The following SC5D variants were observed in gnomAD, a reference collection of about 807,000 sequenced individuals.
SC5D encodes the protein sterol-C5-desaturase, also known as lathosterol oxidase.
SC5D carries 21 observed loss-of-function variants against 23.9 expected under a neutral mutation model. The observed-to-expected ratio is 0.88, with a 90% CI of 0.62 to 1.26. The LOEUF (loss-of-function observed/expected upper bound fraction) is 1.26. SC5D is among the 50% of genes most tolerant of loss of function. SC5D has a pLI of 0.00. For missense variants in SC5D, 309 were observed against 364.8 expected, an observed-to-expected ratio of 0.85 and a Z score of 1.25; for synonymous variants, 113 against 125.9, an observed-to-expected ratio of 0.90 and a Z score of 0.68.
At chr11:121,304,897 C>G (rs1477078111) in intron 3 of SC5D, 2 of 229,406 alleles carry the variant, frequency 8.7e-6, no homozygotes, top group Non-Finnish European at 1.7e-5. Flanking sequence ...ACCCACTTTT[C>G]TGTGCCTGTA....
In SC5D at chr11:121,309,232, C is replaced by T. The variant is rs1207486166; in HGVS notation, c.*1720C>T. On this transcript the variant is annotated 3_prime_UTR_variant, in exon 5 of 5. Transcript: ENST00000264027. ...TCCTTCCTCTTGGGGCTCTGCCTTT[C>T]TCTCAGTCCATAGAGCCCTCTTTGT... 3.3e-5 allele frequency among the ~76,000 whole-genome samples: 5 copies of T among 152,172 alleles called. No individual in the cohort carries two copies. In the East Asian group the frequency reaches 9.6e-4, roughly 29 times the overall value.
Position 121,306,405 on chromosome 11 carries a change from T to C in SC5D, c.363T>C (p.Val121=). ...EFPYGLFELV[V]SIISFLFFTD... is the part of the protein sequence containing the mutation. ...TTCTAGGATTGTTTGAACTTGTCGT[T>C]AGTATAATATCTTTCCTCTTTTTCA... Residue 121 remains valine (V), a synonymous_variant, in exon 4 of 5, where the codon GTT becomes GTC. Transcript: ENST00000264027. 6.4e-7 allele frequency: 1 copy of C among 1,566,034 alleles called. No homozygotes were observed. Among genetic ancestry groups the C allele is most frequent in the Non-Finnish European group, 8.8e-7 (1 of 1,136,388 alleles).
intron 1 of SC5D, among the ~76,000 whole-genome samples, chr11:121,299,544 T>G (rs1947912190): frequency 6.6e-6 from 1 of 152,242 alleles, no homozygotes; most frequent in Admixed American, 6.5e-5. Context: ...ATAATACCAT[T>G]TACAGTATGT....
intron 1 of SC5D, among the ~76,000 whole-genome samples, chr11:121,293,613 C>A (rs912811160): frequency 6.6e-6 from 1 of 152,216 alleles, no homozygotes; most frequent in African/African-American, 2.4e-5. Flanking sequence ...GACCTCAGTA[C>A]ATAGAGTTTC....
At chr11:121,300,875 T>G (rs2134265540) in intron 1 of SC5D, among the ~76,000 whole-genome samples, 2 of 152,290 alleles carry the variant, frequency 1.3e-5, no homozygotes, top group South Asian at 4.2e-4. Context: ...TCAAAGCACT[T>G]AAGAAAATCA....
chr11:121,306,930 T>C, intron 4 of SC5D, 127 bp from the exon 5 acceptor site: 2 of 826,662 alleles, frequency 2.4e-6, no homozygotes, highest in Admixed American at 3.5e-5. Flanking sequence ...GGACATTTTA[T>C]AGAATAAATA....
intron 2 of SC5D, 136 bp downstream of exon 2, chr11:121,303,721 A>G (rs1947942470): frequency 3.0e-6 from 2 of 663,788 alleles, no homozygotes; most frequent in Non-Finnish European, 5.2e-6. Flanking sequence ...AATGGGTTAG[A>G]TATTTTCATG....
rs1157403421 is a variant in SC5D, at chr11:121,312,333, A to G, written c.*4821A>G. The stretch of plus-strand genomic sequence containing the variant: ...TAAAATACAGCATTTTTAAATCTCT[A>G]AGCTCAACTTGAAGATATAAGAACA... On this transcript the variant is annotated 3_prime_UTR_variant, in exon 5 of 5. Coordinates refer to ENST00000264027, the MANE Select transcript of SC5D (RefSeq NM_006918.5). Among the ~76,000 whole-genome samples the G allele has an allele frequency of 6.6e-6, 1 of 152,198 alleles. No homozygotes were observed. Among genetic ancestry groups the G allele is most frequent in the African/African-American group, 2.4e-5 (1 of 41,470 alleles).
At chr11:121,306,077 G>A in intron 3 of SC5D, 1 of 340,102 alleles carries the variant, frequency 2.9e-6, no homozygotes, top group Non-Finnish European at 5.5e-6. Flanking sequence ...TATGAAGGAA[G>A]TGATGATTCC....
chr11:121,303,248 A>G (rs775461301), intron 1 of SC5D, 118 bp from the exon 2 acceptor site: 2 of 742,012 alleles, frequency 2.7e-6, no homozygotes, highest in Non-Finnish European at 4.8e-6. Flanking sequence ...TGATAGCAGC[A>G]GATGTACTGC....
intron 1 of SC5D, among the ~76,000 whole-genome samples, chr11:121,299,206 G>C (rs1446631669): frequency 1.3e-5 from 2 of 152,184 alleles, no homozygotes; most frequent in Non-Finnish European, 2.9e-5. Context: ...GATGACATTG[G>C]TAGAAATCTT....
chr11:121,306,050 G>A (rs1384362353), intron 3 of SC5D: 1 of 294,008 alleles, frequency 3.4e-6, no homozygotes, highest in Admixed American at 4.9e-5. Flanking sequence ...TGTAAAGATG[G>A]GTTTTAGGAA....
chr11:121,307,385 C>T lies in SC5D; in HGVS notation c.773C>T (p.Ser258Leu), dbSNP rs765742077. 9 of 1,613,774 alleles carry T rather than the reference C, an allele frequency of 5.6e-6. No individual in the cohort carries two copies. The highest frequency in any genetic ancestry group is 6.8e-6 in the Non-Finnish European group (8 of 1,179,824). The change falls in exon 5 of 5, where the codon TCA (serine) becomes TTA (leucine). Residue 258 changes from serine to leucine, a missense_variant. Transcript: ENST00000264027. The stretch of plus-strand genomic sequence containing the variant: ...ATTGGCGGCTCATTCAAAAATCCTT[C>T]ATCCTTTGAGGGGAAGGGACCGCTC... ...DRIGGSFKNP[S>L]SFEGKGPLSY... is the part of the protein sequence containing the mutation.
rs763414117 is a variant in SC5D, at chr11:121,307,525, T to A, written c.*13T>A. 6.5e-6 allele frequency: 10 copies of A among 1,537,794 alleles called. No homozygotes were observed. In the East Asian group the frequency reaches 2.2e-4, roughly 35 times the overall value. On this transcript the variant is annotated 3_prime_UTR_variant, in exon 5 of 5. Transcript: ENST00000264027. Reference sequence around the variant, plus strand: ...AAAGACTGAATAGATTATTGCCCAGTTATTCTTAAGTAAGGACAAAGAAGG... The same window carrying A: ...AAAGACTGAATAGATTATTGCCCAGATATTCTTAAGTAAGGACAAAGAAGG...
chr11:121,305,131 G>T (rs923070223), intron 3 of SC5D: 3 of 151,038 alleles, frequency 2.0e-5, no homozygotes, highest in African/African-American at 7.3e-5. Context: ...ATTATAAACA[G>T]CCCTGTAGTG....
chr11:121,310,419 T>C lies in SC5D; in HGVS notation c.*2907T>C, dbSNP rs979806578. On this transcript the variant is annotated 3_prime_UTR_variant, in exon 5 of 5. Transcript: ENST00000264027. ...CTGGGATTAATGACTTAAAAAGAGG[T>C]GTGAGGCAGCTGTTCAGCCCTTCTG... 2.7e-5 allele frequency among the ~76,000 whole-genome samples: 4 copies of C among 149,652 alleles called. No individual in the cohort carries two copies. The highest frequency in any genetic ancestry group is 9.8e-5 in the African/African-American group (4 of 40,776).
chr11:121,301,287 C>T (rs1038285922), intron 1 of SC5D, among the ~76,000 whole-genome samples: 1 of 145,800 alleles, frequency 6.9e-6, no homozygotes, highest in African/African-American at 2.5e-5. Context: ...TAGAGAATAT[C>T]AATAAAGTGA....
At position 121,309,197 on chromosome 11, in the gene SC5D, C is replaced by T. The variant is rs148657439; in HGVS notation, c.*1685C>T. Reference sequence around the variant, plus strand: ...GACAGCTTTCCACCTAGTCTTTCTGCGACCCAGGCTCCTTCCTCTTGGGGC... The same window carrying T: ...GACAGCTTTCCACCTAGTCTTTCTGTGACCCAGGCTCCTTCCTCTTGGGGC... On this transcript the variant is annotated 3_prime_UTR_variant, in exon 5 of 5. Coordinates refer to ENST00000264027, the MANE Select transcript of SC5D (RefSeq NM_006918.5). Among the ~76,000 whole-genome samples, 68 of 152,308 alleles carry T rather than the reference C, an allele frequency of 4.5e-4. No homozygotes were observed. The highest frequency in any genetic ancestry group is 4.1e-3 in the South Asian group (20 of 4,822).
intron 3 of SC5D, chr11:121,304,827 C>T (rs1947952282): frequency 3.6e-6 from 1 of 278,142 alleles, no homozygotes; most frequent in East Asian, 9.0e-5. Context: ...AAGTTAAAAA[C>T]AGATTTTTAA....
Sources: allele counts gnomAD v4.1 joint callset (sites outside exome capture counted in the v4.1 genomes callset), GRCh38; gene constraint gnomAD v4.1.1; transcripts MANE v1.5; gene names NCBI Gene and HGNC (gene_info 2026-07-23, HGNC 2026-07-21).